ARL15: variants seen among roughly 807,000 people sequenced by gnomAD.
ARL15 encodes the protein ADP-ribosylation factor-like protein 15.
ARL15 carries 19 observed loss-of-function variants against 25.2 expected under a neutral mutation model. The observed-to-expected ratio is 0.75, with a 90% confidence interval of 0.53 to 1.10. The LOEUF (loss-of-function observed/expected upper bound fraction) is 1.10. Among genes scored for constraint, ARL15 ranks in the 50% least tolerant of loss-of-function variants. The pLI, the probability that ARL15 is intolerant of heterozygous loss-of-function variation, is 0.00. For synonymous variants in ARL15, 94 were observed against 86.8 expected, an observed-to-expected ratio of 1.08 and a Z score of -0.46; for missense variants, 220 against 246.0, an observed-to-expected ratio of 0.89 and a Z score of 0.71.
At chr5:54,030,750 A>G (rs1749954616) in intron 4 of ARL15, among the ~76,000 whole-genome samples, 1 of 152,232 alleles carries the variant, frequency 6.6e-6, no homozygotes, top group Admixed American at 6.5e-5. Flanking sequence ...GAGATGTGCC[A>G]TGATATCAAG....
At chr5:54,032,031 C>T (rs944983744) in intron 4 of ARL15, among the ~76,000 whole-genome samples, 1 of 152,130 alleles carries the variant, frequency 6.6e-6, no homozygotes, top group African/African-American at 2.4e-5. Flanking sequence ...TTTCTACTTA[C>T]TAACAGAAAA....
intron 1 of ARL15, among the ~76,000 whole-genome samples, chr5:54,264,630 C>G (rs1299870884): frequency 2.6e-5 from 4 of 152,142 alleles, no homozygotes; most frequent in Non-Finnish European, 5.9e-5. Context: ...CTGCTTCAGC[C>G]ATTGGCTCCT....
intron 4 of ARL15, among the ~76,000 whole-genome samples, chr5:53,921,531 A>G (rs1340951191): frequency 6.6e-6 from 1 of 152,208 alleles, no homozygotes; most frequent in Admixed American, 6.5e-5. Flanking sequence ...ATAAAACACT[A>G]AAAGCACAAG....
chr5:54,081,968 G>GTA (rs10667729), intron 4 of ARL15, among the ~76,000 whole-genome samples: 82,139 of 151,232 alleles, frequency 0.54, 23,389 homozygotes, highest in Non-Finnish European at 0.63. Flanking sequence ...GCGGGCACCT[G>GTA]TAATCCCAGC....
intron 1 of ARL15, among the ~76,000 whole-genome samples, chr5:54,247,299 G>C (rs1757114244): frequency 6.6e-6 from 1 of 151,654 alleles, no homozygotes; most frequent in Admixed American, 6.6e-5. Context: ...ACTGAATTAA[G>C]ATTGAATAGT....
chr5:54,214,920 T>C (rs1004200114), intron 1 of ARL15, among the ~76,000 whole-genome samples: 3 of 152,132 alleles, frequency 2.0e-5, no homozygotes, highest in Non-Finnish European at 4.4e-5. Context: ...ATACTGCCTG[T>C]CAAAAGGTTA....
chr5:53,992,465 G>A (rs1438383909), intron 4 of ARL15, among the ~76,000 whole-genome samples: 1 of 152,104 alleles, frequency 6.6e-6, no homozygotes, highest in Admixed American at 6.6e-5. Flanking sequence ...TTCCAGGTTA[G>A]GTTACAATTT....
At chr5:54,016,439 T>A (rs1749431440) in intron 4 of ARL15, among the ~76,000 whole-genome samples, 1 of 152,156 alleles carries the variant, frequency 6.6e-6, no homozygotes, top group Non-Finnish European at 1.5e-5. Flanking sequence ...TCCACAGGAC[T>A]CATAAGGGCC....
intron 4 of ARL15, among the ~76,000 whole-genome samples, chr5:54,029,379 A>ACCACCACCACCACCAC (rs1554035239): frequency 8.3e-6 from 1 of 121,184 alleles, no homozygotes. Context: ...CACCACCACT[A>ACCACCACCACCACCAC]CACCTAGAGA....
intron 1 of ARL15, among the ~76,000 whole-genome samples, chr5:54,256,547 G>A (rs563291194): frequency 1.3e-5 from 2 of 148,676 alleles, no homozygotes; most frequent in African/African-American, 2.5e-5. Flanking sequence ...TGAGAAAGAC[G>A]GAATCCTCTC....
At chr5:54,163,355 GCTTTTTTTTTTTTTTTTTTTTTTTT>G (rs1385635347) in intron 2 of ARL15, among the ~76,000 whole-genome samples, 1 of 51,342 alleles carries the variant, frequency 1.9e-5, no homozygotes, top group African/African-American at 8.3e-5. Flanking sequence ...TTGGTATGAA[GCTTTTTTTTTTTTTTTTTTTTTTTT>G]TTTTTTTTTT....
chr5:53,951,847 ATTTTTTTTT>A (rs59369848), intron 4 of ARL15, among the ~76,000 whole-genome samples: 4 of 98,238 alleles, frequency 4.1e-5, no homozygotes, highest in South Asian at 3.6e-4. Flanking sequence ...ACATAAAAGA[ATTTTTTTTT>A]TTTTTTTTTT....
chr5:54,294,304 A>G (rs954270655), intron 1 of ARL15, among the ~76,000 whole-genome samples: 2 of 152,350 alleles, frequency 1.3e-5, no homozygotes, highest in Admixed American at 1.3e-4. Context: ...CCTATCTATT[A>G]TCTACAGCTG....
intron 4 of ARL15, among the ~76,000 whole-genome samples, chr5:54,082,258 A>G (rs891052133): frequency 2.6e-5 from 4 of 152,194 alleles, no homozygotes; most frequent in African/African-American, 9.7e-5. Flanking sequence ...ATCAAATACT[A>G]CATCTTGTGC....
chr5:53,977,344 G>A (rs1241120683), intron 4 of ARL15, among the ~76,000 whole-genome samples: 1 of 127,354 alleles, frequency 7.9e-6, no homozygotes, highest in African/African-American at 3.2e-5. Flanking sequence ...AACAGAGTGA[G>A]ACTCCGCCTC....
At chr5:54,219,786 C>A (rs553193614) in intron 1 of ARL15, among the ~76,000 whole-genome samples, 29 of 152,272 alleles carry the variant, frequency 1.9e-4, no homozygotes, top group South Asian at 8.3e-4. Flanking sequence ...CCAAAAATCA[C>A]AGAAATGTTG....
At chr5:54,196,404 C>G (rs1366610841) in intron 1 of ARL15, among the ~76,000 whole-genome samples, 2 of 152,094 alleles carry the variant, frequency 1.3e-5, no homozygotes, top group Non-Finnish European at 2.9e-5. Flanking sequence ...TTTGCCAAAT[C>G]ACCTAAAAAA....
chr5:53,944,682 C>T (rs1055249576), intron 4 of ARL15, among the ~76,000 whole-genome samples: 4 of 152,176 alleles, frequency 2.6e-5, no homozygotes, highest in Non-Finnish European at 2.9e-5. Flanking sequence ...TTCTATCCTA[C>T]TACCTTATCC....
chr5:54,118,373 A>T (rs1312944415), intron 3 of ARL15, among the ~76,000 whole-genome samples: 1 of 152,208 alleles, frequency 6.6e-6, no homozygotes, highest in Admixed American at 6.5e-5. Context: ...AAACCAGATT[A>T]AAAAGATTTG....
Sources: allele counts gnomAD v4.1 joint callset (sites outside exome capture counted in the v4.1 genomes callset), GRCh38; gene constraint gnomAD v4.1.1; transcripts MANE v1.5; gene names NCBI Gene and HGNC (gene_info 2026-07-23, HGNC 2026-07-21).